The following ADAMTS17 variants were observed in gnomAD, a reference collection of about 807,000 sequenced individuals.
ADAMTS17 encodes A disintegrin and metalloproteinase with thrombospondin motifs 17.
A neutral mutation model predicts 141.5 loss-of-function variants in ADAMTS17; 113 were observed. That is an observed-to-expected ratio of 0.80 (90% CI 0.69 to 0.93). The LOEUF is 0.93. ADAMTS17 is among the 40% of genes least tolerant of loss of function. ADAMTS17 has a pLI of 0.00. For synonymous variants in ADAMTS17, 768 were observed against 630.6 expected (o/e 1.22, Z -3.27); for missense variants, 1,659 against 1,517.9 (o/e 1.09, Z -1.54).
intron 10 of ADAMTS17, among the ~76,000 whole-genome samples, chr15:100,134,369 T>C (rs1172123670): frequency 1.3e-5 from 2 of 152,146 alleles, no homozygotes; most frequent in Non-Finnish European, 1.5e-5. Context: ...AGTCTGAAAA[T>C]TGAGAACAGA....
At chr15:100,055,578 G>T (rs2141610710) in intron 15 of ADAMTS17, among the ~76,000 whole-genome samples, 1 of 152,288 alleles carries the variant, frequency 6.6e-6, no homozygotes, top group African/African-American at 2.4e-5. Context: ...GGGTGGCTAT[G>T]AGAGGCTGAG....
At chr15:99,975,894 C>T (rs2060312781) in intron 21 of ADAMTS17, 151 bp downstream of exon 21, 2 of 915,240 alleles carry the variant, frequency 2.2e-6, no homozygotes, top group East Asian at 2.7e-5. Flanking sequence ...TCTCTGAAAC[C>T]TCTTCTACAG....
rs1189312005 is a variant in ADAMTS17, at chr15:100,221,180, C to CA, written c.1076-21758dup. Among the ~76,000 whole-genome samples the CA allele has an allele frequency of 4.6e-5, 7 of 152,024 alleles. No individual in the cohort carries two copies. In the East Asian group the frequency reaches 1.4e-3, roughly 29 times the overall value. On this transcript the variant is annotated intron_variant, in intron 7 of 21. Coordinates refer to ENST00000268070, the MANE Select transcript of ADAMTS17 (RefSeq NM_139057.4). The stretch of plus-strand genomic sequence containing the variant: ...AACAGTGACACCTACAAGATGCTCA[C>CA]AAATCTTCTCAATTAAATAACACAA...
At chr15:100,223,167 A>G (rs796392481) in intron 7 of ADAMTS17, among the ~76,000 whole-genome samples, 1 of 152,290 alleles carries the variant, frequency 6.6e-6, no homozygotes, top group African/African-American at 2.4e-5. Context: ...AGGGAGACAA[A>G]AGGACATGGT....
chr15:100,322,071 G>GA (rs561746172), intron 3 of ADAMTS17, among the ~76,000 whole-genome samples: 174 of 152,188 alleles, frequency 1.1e-3, no homozygotes, highest in Non-Finnish European at 1.8e-3. Flanking sequence ...CTGTAAACTT[G>GA]AAAAAAATAC....
intron 14 of ADAMTS17, among the ~76,000 whole-genome samples, chr15:100,104,735 G>C (rs1449193935): frequency 2.0e-5 from 3 of 152,154 alleles, no homozygotes; most frequent in African/African-American, 7.2e-5. Context: ...TCAATGAATA[G>C]ATACAGACTT....
In ADAMTS17 at chr15:100,219,038, G is replaced by A. The variant is rs1181618469; in HGVS notation, c.1076-19615C>T. On this transcript the variant is annotated intron_variant, in intron 7 of 21. Transcript: ENST00000268070. ...GAACAAGTATGATGTTCTGATACAGGTTAAAGCGTAGATGACCCCTGAAAA... is the reference window on the plus strand; with the variant it reads ...GAACAAGTATGATGTTCTGATACAGATTAAAGCGTAGATGACCCCTGAAAA... Among the ~76,000 whole-genome samples the A allele has an allele frequency of 1.3e-5, 2 of 152,190 alleles. 1 individual carries two copies. The highest frequency in any genetic ancestry group is 2.9e-5 in the Non-Finnish European group (2 of 68,046).
At chr15:100,132,884 C>G (rs542041031) in intron 11 of ADAMTS17, among the ~76,000 whole-genome samples, 4 of 152,302 alleles carry the variant, frequency 2.6e-5, no homozygotes, top group East Asian at 3.9e-4. Flanking sequence ...ATTATTTTTA[C>G]GAGAGCCTAC....
chr15:100,272,911 TC>T (rs1219432635), intron 4 of ADAMTS17, among the ~76,000 whole-genome samples: 1 of 152,152 alleles, frequency 6.6e-6, no homozygotes, highest in Admixed American at 6.5e-5. Context: ...GAAAGGCTGC[TC>T]AATTTTATCA....
At chr15:100,146,497 T>C (rs1164259122) in intron 10 of ADAMTS17, among the ~76,000 whole-genome samples, 2 of 152,220 alleles carry the variant, frequency 1.3e-5, no homozygotes, top group Non-Finnish European at 2.9e-5. Context: ...CTGAGGAAGA[T>C]GTATGTCGTC....
At chr15:100,259,013 A>T (rs554517909) in intron 6 of ADAMTS17, among the ~76,000 whole-genome samples, 1 of 151,882 alleles carries the variant, frequency 6.6e-6, no homozygotes, top group Non-Finnish European at 1.5e-5. Flanking sequence ...CCACTCAATG[A>T]AACAGCAGGA....
At chr15:100,128,233 A>T (rs960614869) in intron 12 of ADAMTS17, 4 of 152,228 alleles carry the variant, frequency 2.6e-5, no homozygotes, top group Non-Finnish European at 2.9e-5. Flanking sequence ...CCTTGTGGGT[A>T]GGCAGGGATT....
At chr15:100,160,040 G>A (rs1427899558) in intron 8 of ADAMTS17, among the ~76,000 whole-genome samples, 1 of 135,346 alleles carries the variant, frequency 7.4e-6, no homozygotes, top group African/African-American at 2.6e-5. Context: ...CAGAAAACCC[G>A]TTTCTCCTGG....
chr15:99,984,874 G>A (rs1462677703), intron 20 of ADAMTS17, among the ~76,000 whole-genome samples: 2 of 152,228 alleles, frequency 1.3e-5, no homozygotes, highest in Non-Finnish European at 2.9e-5. Flanking sequence ...AGGCTTCCCC[G>A]CTCTCTGATC....
At chr15:100,219,977 G>A (rs4356459) in intron 7 of ADAMTS17, among the ~76,000 whole-genome samples, 2,095 of 152,196 alleles carry the variant, frequency 0.014, 25 homozygotes, top group Middle Eastern at 0.037. Flanking sequence ...TTTATGAGGC[G>A]GGTACAATTT....
intron 8 of ADAMTS17, among the ~76,000 whole-genome samples, chr15:100,184,992 G>A (rs2040657843): frequency 6.6e-6 from 1 of 152,200 alleles, no homozygotes; most frequent in Admixed American, 6.5e-5. Flanking sequence ...GCTCCTCAGT[G>A]ACCATTCTAT....
intron 7 of ADAMTS17, among the ~76,000 whole-genome samples, chr15:100,235,943 ACTC>A (rs1567405044): frequency 6.6e-6 from 1 of 152,086 alleles, no homozygotes; most frequent in Non-Finnish European, 1.5e-5. Context: ...CAAAACCACA[ACTC>A]CTCCTGCCTC....
intron 7 of ADAMTS17, among the ~76,000 whole-genome samples, chr15:100,200,920 C>T (rs1450275356): frequency 6.6e-6 from 1 of 152,234 alleles, no homozygotes; most frequent in Non-Finnish European, 1.5e-5. Flanking sequence ...CCATGGCTGT[C>T]CCTCTGTCGA....
At chr15:100,148,004 C>G (rs1041605405) in intron 10 of ADAMTS17, among the ~76,000 whole-genome samples, 9 of 152,348 alleles carry the variant, frequency 5.9e-5, no homozygotes, top group African/African-American at 2.2e-4. Flanking sequence ...CCCTTCCTTG[C>G]ATCACTCCGA....
Sources: gnomAD v4.1 joint callset for allele counts (sites outside exome capture counted in the v4.1 genomes callset) on GRCh38, gnomAD v4.1.1 for gene constraint, MANE v1.5 for transcripts, NCBI Gene and HGNC (gene_info 2026-07-23, HGNC 2026-07-21) for gene names.